Variants in ZNF831 observed in about 807,000 individuals in gnomAD.
The protein encoded by ZNF831 is zinc finger protein 831, also known as chromosome 20 open reading frame 174.
Under a neutral mutation model 95.8 loss-of-function variants are expected in ZNF831, and 59 were observed. The ratio of observed to expected loss-of-function variants is 0.62; its 90% confidence interval spans 0.50 to 0.77. The LOEUF (loss-of-function observed/expected upper bound fraction) is 0.77. Ranked by LOEUF, ZNF831 falls within the 30% of genes least tolerant of loss-of-function variation. The probability of loss-of-function intolerance (pLI) is 0.00; values close to 1 mark genes in which losing one functional copy is unlikely to be tolerated. For missense variants in ZNF831, 2,205 were observed against 2,164.0 expected (o/e 1.02, Z -0.38); for synonymous variants, 961 against 925.5 (o/e 1.04, Z -0.70).
At chr20:59,212,873 G>A (rs528900510) in intron 4 of ZNF831, among the ~76,000 whole-genome samples, 6 of 152,134 alleles carry the variant, frequency 3.9e-5, no homozygotes, top group Non-Finnish European at 7.4e-5. Flanking sequence ...ATTAATTTTC[G>A]CAATATCATG....
At chr20:59,167,125 T>C (rs1358623136) in intron 1 of ZNF831, among the ~76,000 whole-genome samples, 1 of 152,266 alleles carries the variant, frequency 6.6e-6, no homozygotes, top group African/African-American at 2.4e-5. Flanking sequence ...CTAGCCATTC[T>C]GACAGGTGTG....
intron 1 of ZNF831, among the ~76,000 whole-genome samples, chr20:59,185,311 CA>C (rs1982930093): frequency 6.6e-6 from 1 of 152,180 alleles, no homozygotes; most frequent in Non-Finnish European, 1.5e-5. Flanking sequence ...GTCAATTTCG[CA>C]GTGATCACAG....
upstream of ZNF831, among the ~76,000 whole-genome samples, chr20:59,161,459 A>G (rs1157070474): frequency 2.0e-5 from 3 of 152,002 alleles, no homozygotes; most frequent in Admixed American, 1.3e-4. Context: ...TTGTATTTTT[A>G]GTAGAAATGG....
At chr20:59,147,952 C>T (rs957554944) in intron 2 of ZNF831, among the ~76,000 whole-genome samples, 6 of 152,216 alleles carry the variant, frequency 3.9e-5, no homozygotes, top group African/African-American at 9.6e-5. Flanking sequence ...CCCAAGGCCA[C>T]GTGGCAGCAC....
At chr20:59,184,694 C>A (rs1277890878) in intron 1 of ZNF831, among the ~76,000 whole-genome samples, 2 of 152,180 alleles carry the variant, frequency 1.3e-5, no homozygotes, top group Non-Finnish European at 2.9e-5. Flanking sequence ...GTTCTATCTG[C>A]TAAACGTATC....
At position 59,194,785 on chromosome 20, in the gene ZNF831, G is replaced by A. The variant is rs750961535; in HGVS notation, c.3738+28G>A. On this transcript the variant is annotated intron_variant, in intron 2 of 5. Transcript: ENST00000371030. ...AAAGCTGGGCTTTGCCCCAGGGCCC[G>A]GGGTTGAGAGAGCATGTTGTTATCC... The A allele has an allele frequency of 4.6e-6, 7 of 1,526,542 alleles. No homozygotes were observed. In the Admixed American group the frequency reaches 6.5e-5, roughly 14 times the overall value. The allele number at this position is 1,526,542 out of a possible 1,614,324, so 94.6% of individuals were successfully genotyped here.
chr20:59,225,537 G>A (rs561942962), intron 4 of ZNF831, among the ~76,000 whole-genome samples: 1 of 152,336 alleles, frequency 6.6e-6, no homozygotes, highest in South Asian at 2.1e-4. Context: ...TGTTGGAAAT[G>A]CCTCTTTATA....
In ZNF831 at chr20:59,240,617, C is replaced by T. The variant is rs1007694917; in HGVS notation, c.4028-12361C>T. ...GAGATGGAGACCATCCTGGCTAACA[C>T]GGTGAAACCCCGTCTCTACTAAAAA... On this transcript the variant is annotated intron_variant, in intron 4 of 5. Transcript: ENST00000371030. 5.3e-3 allele frequency among the ~76,000 whole-genome samples: 805 copies of T among 151,594 alleles called. 25 individuals carry two copies. The East Asian group carries it at 0.06, about 11-fold the overall frequency.
At chr20:59,138,210 A>G (rs1979571732) in intron 1 of ZNF831, among the ~76,000 whole-genome samples, 1 of 152,228 alleles carries the variant, frequency 6.6e-6, no homozygotes, top group Non-Finnish European at 1.5e-5. Context: ...AATTAGGTGT[A>G]ATTCAACCAC....
In ZNF831 at chr20:59,192,606, G is replaced by A. The variant is rs752983652; in HGVS notation, c.1587G>A (p.Thr529=). The A allele has an allele frequency of 8.2e-5, 123 of 1,504,286 alleles. No homozygotes were observed. Among genetic ancestry groups the A allele is most frequent in the Non-Finnish European group, 1.0e-4 (115 of 1,130,390 alleles). 93.2% of individuals were successfully genotyped at this position (1,504,286 alleles called of 1,614,324 possible). The part of the protein sequence containing the change: ...PREPRDPWSR[T]QKPLSPRPGP... ...AGCCCCGGGACCCCTGGTCCAGGAC[G>A]CAGAAGCCTCTGAGCCCCAGGCCCG... Residue 529 remains threonine (T), a synonymous_variant, in exon 2 of 6, where the codon ACG becomes ACA. Transcript: ENST00000371030. This position sits in a 1 kb window ranked among gnomAD's most constrained non-coding sequence, Gnocchi z 5.2.
Position 59,206,964 on chromosome 20 carries a change from C to A in ZNF831, c.3935C>A (p.Pro1312Gln), listed in dbSNP as rs747979074. The A allele has an allele frequency of 6.2e-7, 1 of 1,614,158 alleles. No homozygotes were observed. The highest frequency in any genetic ancestry group is 8.5e-7 in the Non-Finnish European group (1 of 1,180,018). Residue 1312 changes from proline (P) to glutamine (Q), a missense_variant, in exon 4 of 6, where the codon CCA becomes CAA. Physicochemically the swap from Pro to Gln is moderately conservative, Grantham distance 76. Coordinates refer to ENST00000371030, the MANE Select transcript of ZNF831 (RefSeq NM_178457.3). ...VQLRASRLRT[P>Q]TWVRRRSRHP... ...CTGAGAGCCAGTAGACTTCGCACAC[C>A]AACCTGGGTGCGAAGAAGAAGCCGC...
intron 4 of ZNF831, among the ~76,000 whole-genome samples, chr20:59,219,422 G>A (rs902725894): frequency 1.3e-5 from 2 of 152,226 alleles, no homozygotes; most frequent in Admixed American, 1.3e-4. Context: ...AGTGTGGCAA[G>A]GGGAGCCGGC....
At chr20:59,155,340 G>T (rs1458875358) in intron 2 of ZNF831, among the ~76,000 whole-genome samples, 2 of 152,212 alleles carry the variant, frequency 1.3e-5, no homozygotes, top group Non-Finnish European at 2.9e-5. Flanking sequence ...CTGGGCACAT[G>T]AATGCACTAA....
In ZNF831 at chr20:59,229,468, G is replaced by C. The variant is rs1475983060; in HGVS notation, c.4027+22412G>C. ...CCACCTCCTGATGGTCCTGATGGGA[G>C]ACCCTGAAAATCACATTGCATAGGG... is the stretch of plus-strand genomic sequence containing the variant. On this transcript the variant is annotated intron_variant, in intron 4 of 5. Transcript: ENST00000371030. Among the ~76,000 whole-genome samples, 5 of 152,142 alleles carry C rather than the reference G, an allele frequency of 3.3e-5. No homozygotes were observed. The East Asian group carries it at 9.6e-4, about 29-fold the overall frequency.
chr20:59,183,629 A>G (rs1982790166), intron 1 of ZNF831, among the ~76,000 whole-genome samples: 3 of 152,358 alleles, frequency 2.0e-5, no homozygotes, highest in Middle Eastern at 6.8e-3. Context: ...TAGGCAAAAC[A>G]TGACATCATG....
intron 1 of ZNF831, among the ~76,000 whole-genome samples, chr20:59,128,610 A>G (rs1165483048): frequency 1.3e-5 from 2 of 152,126 alleles, no homozygotes; most frequent in African/African-American, 2.4e-5. Flanking sequence ...AGCTAGGGGG[A>G]TGCACCTGGC....
intron 4 of ZNF831, among the ~76,000 whole-genome samples, chr20:59,233,188 C>T (rs760331967): frequency 1.8e-4 from 27 of 152,178 alleles, no homozygotes; most frequent in Non-Finnish European, 2.9e-4. Flanking sequence ...TTACCTGCCT[C>T]TGCATGAAGT....
At chr20:59,246,385 G>A (rs1987611487) in intron 4 of ZNF831, among the ~76,000 whole-genome samples, 1 of 152,126 alleles carries the variant, frequency 6.6e-6, no homozygotes, top group African/African-American at 2.4e-5. Context: ...GCTGTTTCAG[G>A]TATATCGATA....
At chr20:59,223,352 G>T (rs951067430) in intron 4 of ZNF831, among the ~76,000 whole-genome samples, 4 of 152,182 alleles carry the variant, frequency 2.6e-5, no homozygotes, top group African/African-American at 9.7e-5. Context: ...AAGTGTGTGC[G>T]ATGGTTCCTT....
Sources: allele counts gnomAD v4.1 joint callset (sites outside exome capture counted in the v4.1 genomes callset), GRCh38; gene constraint gnomAD v4.1.1; non-coding constraint Gnocchi (gnomAD v3.1); transcripts MANE v1.5; gene names NCBI Gene and HGNC (gene_info 2026-07-23, HGNC 2026-07-21).